Variants in UGT1A7 observed in about 807,000 individuals in gnomAD.
UGT1A7 encodes UDP glucuronosyltransferase family 1 member A7.
Under a neutral mutation model 45.6 loss-of-function variants are expected in UGT1A7, and 33 were observed. The observed-to-expected ratio is 0.72, with a 90% confidence interval of 0.55 to 0.97. The LOEUF (loss-of-function observed/expected upper bound fraction) is 0.97, where lower values mean the gene tolerates loss of function less well. Ranked by LOEUF, UGT1A7 falls within the 50% of genes least tolerant of loss-of-function variation. The pLI is 0.00. For missense variants in UGT1A7, 684 were observed against 666.2 expected, an observed-to-expected ratio of 1.03 and a Z score of -0.29; for synonymous variants, 274 against 250.6, an observed-to-expected ratio of 1.09 and a Z score of -0.88.
At chr2:233,699,864 G>C (rs2075528124) in intron 1 of UGT1A7, among the ~76,000 whole-genome samples, 1 of 152,162 alleles carries the variant, frequency 6.6e-6, no homozygotes, top group African/African-American at 2.4e-5. Flanking sequence ...TATGTCTGAA[G>C]ACATTTTTGG....
intron 1 of UGT1A7, chr2:233,713,779 T>G: frequency 6.2e-7 from 1 of 1,614,034 alleles, no homozygotes; most frequent in Non-Finnish European, 8.5e-7. Flanking sequence ...GACTTTGTGA[T>G]GGATTACCCC....
rs114000345 is a variant in UGT1A7 at position 233,767,118 on chromosome 2, A to G, written c.940A>G (p.Lys314Glu). 1.2e-6 allele frequency: 2 copies of G among 1,614,162 alleles called. No homozygotes were observed. The highest frequency in any genetic ancestry group is 2.2e-5 in the East Asian group (1 of 44,866). The change falls in exon 2 of 5, where the codon AAG becomes GAG. Residue 314 changes from lysine (K) to glutamate (E), a missense_variant. Transcript: ENST00000373426. ...ATCAATGGTCTCAGAAATTCCAGAG[A>G]AGAAAGCTATGGCAATTGCTGATGC... is the stretch of plus-strand genomic sequence containing the variant. ...LGSMVSEIPE[K>E]KAMAIADALG...
At chr2:233,719,203 G>A (rs145806554) in intron 1 of UGT1A7, 5 of 1,614,242 alleles carry the variant, frequency 3.1e-6, no homozygotes, top group Middle Eastern at 3.3e-4. Context: ...CATAGGTGTT[G>A]TGTGGAGCTA....
chr2:233,701,504 T>C (rs2075633196), intron 1 of UGT1A7, among the ~76,000 whole-genome samples: 1 of 152,122 alleles, frequency 6.6e-6, no homozygotes, highest in Non-Finnish European at 1.5e-5. Flanking sequence ...CTAATAGACA[T>C]CTACAGAACT....
At chr2:233,743,311 A>AT (rs1692260590) in intron 1 of UGT1A7, 3 of 650,626 alleles carry the variant, frequency 4.6e-6, no homozygotes, top group Non-Finnish European at 7.4e-6. Flanking sequence ...CTTGGTGGTG[A>AT]TTTTTTTACC....
rs549328655 is a variant in UGT1A7 at position 233,768,346 on chromosome 2, T to C, written c.1202T>C (p.Met401Thr). 31 of 1,614,146 alleles carry C rather than the reference T, an allele frequency of 1.9e-5. No individual in the cohort carries two copies. Among genetic ancestry groups the C allele is most frequent in the Non-Finnish European group, 2.5e-5 (30 of 1,180,016 alleles). ...GATCAGATGGACAATGCAAAGCGCA[T>C]GGAGACTAAGGGAGCTGGAGTGACC... ...FGDQMDNAKR[M>T]ETKGAGVTLN... Residue 401 changes from methionine to threonine, a missense_variant, in exon 4 of 5, where the codon ATG becomes ACG. Physicochemically the swap from Met to Thr is moderately conservative, Grantham distance 81 (BLOSUM62 -1). Transcript: ENST00000373426.
chr2:233,682,712 T>C lies in UGT1A7; in HGVS notation c.775T>C (p.Leu259=). ...SIWLLRTDFV[L]EYPKPVMPNM... ...TTGGTTGTTGCGAACTGACTTTGTTTTGGAGTATCCCAAACCCGTGATGCC... is the reference window on the plus strand; with the variant it reads ...TTGGTTGTTGCGAACTGACTTTGTTCTGGAGTATCCCAAACCCGTGATGCC... The change falls in exon 1 of 5, where the codon TTG becomes CTG. Residue 259 remains leucine, a synonymous_variant. Transcript: ENST00000373426. 1 of 1,613,902 alleles carries C rather than the reference T, an allele frequency of 6.2e-7. No homozygotes were observed. The highest frequency in any genetic ancestry group is 1.3e-5 in the African/African-American group (1 of 75,040).
intron 1 of UGT1A7, among the ~76,000 whole-genome samples, chr2:233,705,032 A>G (rs1039287692): frequency 4.6e-5 from 7 of 151,844 alleles, no homozygotes; most frequent in Admixed American, 2.0e-4. Flanking sequence ...GCTACTCGGG[A>G]GGCTGAGGCA....
chr2:233,754,901 C>T (rs996500791), intron 1 of UGT1A7: 1 of 1,352,340 alleles, frequency 7.4e-7, no homozygotes, highest in Non-Finnish European at 9.9e-7. Flanking sequence ...TCTGACCCCC[C>T]AAAATATTCT....
intron 1 of UGT1A7, chr2:233,713,447 C>A: frequency 6.2e-7 from 1 of 1,614,140 alleles, no homozygotes; most frequent in Non-Finnish European, 8.5e-7. Context: ...TTCTAACAGA[C>A]CCCTTTCACC....
intron 1 of UGT1A7, among the ~76,000 whole-genome samples, chr2:233,683,194 A>G (rs2074622328): frequency 6.6e-6 from 1 of 152,168 alleles, no homozygotes; most frequent in Non-Finnish European, 1.5e-5. Flanking sequence ...TATTTAGGGT[A>G]AATTGTCACT....
chr2:233,727,510 G>A (rs1189084466), intron 1 of UGT1A7, among the ~76,000 whole-genome samples: 2 of 152,170 alleles, frequency 1.3e-5, no homozygotes, highest in Admixed American at 1.3e-4. Flanking sequence ...GCCCATGAAT[G>A]TGGGAAGAGC....
At chr2:233,733,488 A>G (rs1340566594) in intron 1 of UGT1A7, among the ~76,000 whole-genome samples, 1 of 152,156 alleles carries the variant, frequency 6.6e-6, no homozygotes, top group African/African-American at 2.4e-5. Context: ...TTCCATCAAT[A>G]CCTAGTTTAT....
At chr2:233,727,747 T>A (rs1157113585) in intron 1 of UGT1A7, among the ~76,000 whole-genome samples, 1 of 152,214 alleles carries the variant, frequency 6.6e-6, no homozygotes, top group Non-Finnish European at 1.5e-5. Flanking sequence ...ATCCTGCGTG[T>A]GCTGCCCTTG....
chr2:233,769,313 C>G lies in UGT1A7; in HGVS notation c.1295+874C>G, dbSNP rs1699834198. 6.6e-6 allele frequency among the ~76,000 whole-genome samples: 1 copy of G among 152,226 alleles called. No homozygotes were observed. Among genetic ancestry groups the G allele is most frequent in the Admixed American group, 6.5e-5 (1 of 15,282 alleles). ...TTAAAGTTAGTATATTACTGTCAAG[C>G]TCACTGGTAATAGGCTTATTAGAAC... is the stretch of plus-strand genomic sequence containing the variant. On this transcript the variant is annotated intron_variant, in intron 4 of 4. Coordinates refer to ENST00000373426, the MANE Select transcript of UGT1A7 (RefSeq NM_019077.3). This position sits in a 1 kb window ranked among gnomAD's most constrained non-coding sequence, Gnocchi z 4.4.
intron 4 of UGT1A7, 92 bp downstream of exon 4, chr2:233,768,531 G>T: frequency 5.4e-6 from 8 of 1,481,574 alleles, no homozygotes; most frequent in South Asian, 4.1e-5. Context: ...ATTTAATAGC[G>T]TTGTTTCAAA....
At chr2:233,717,135 C>T (rs1269027331) in intron 1 of UGT1A7, among the ~76,000 whole-genome samples, 2 of 152,326 alleles carry the variant, frequency 1.3e-5, no homozygotes, top group Middle Eastern at 3.4e-3. Flanking sequence ...TAGAACACCA[C>T]TACATGGAAA....
At chr2:233,701,458 A>G (rs1167307103) in intron 1 of UGT1A7, among the ~76,000 whole-genome samples, 7 of 152,132 alleles carry the variant, frequency 4.6e-5, no homozygotes, top group Admixed American at 1.3e-4. Flanking sequence ...TAACAAGGAT[A>G]CCCAGGAATT....
At chr2:233,725,624 T>C (rs1443141864) in intron 1 of UGT1A7, among the ~76,000 whole-genome samples, 1 of 152,198 alleles carries the variant, frequency 6.6e-6, no homozygotes, top group African/African-American at 2.4e-5. Flanking sequence ...GTCTTCAAAA[T>C]CTAGCATATA....
Sources: allele counts gnomAD v4.1 joint callset (sites outside exome capture counted in the v4.1 genomes callset), GRCh38; gene constraint gnomAD v4.1.1; non-coding constraint Gnocchi (gnomAD v3.1); transcripts MANE v1.5; gene names NCBI Gene and HGNC (gene_info 2026-07-23, HGNC 2026-07-21).